LDB2: variants seen among roughly 807,000 people sequenced by gnomAD.
LDB2 encodes the protein LIM domain-binding protein 2.
LDB2 carries 12 observed loss-of-function variants against 44.3 expected under a neutral mutation model. The observed-to-expected ratio is 0.27, with a 90% CI of 0.17 to 0.44. The LOEUF is 0.44. Among genes scored for constraint, LDB2 ranks in the 20% least tolerant of loss-of-function variants. The probability of loss-of-function intolerance (pLI) is 1.00; values close to 1 mark genes in which losing one functional copy is unlikely to be tolerated. For synonymous variants in LDB2, 164 were observed against 174.8 expected, an observed-to-expected ratio of 0.94 and a Z score of 0.49; for missense variants, 344 against 473.5, an observed-to-expected ratio of 0.73 and a Z score of 2.54.
In LDB2 at chr4:16,747,526, A is replaced by C. The variant is rs572116695; in HGVS notation, c.235+11632T>G. On this transcript the variant is annotated intron_variant, in intron 2 of 7. Transcript: ENST00000304523. The stretch of plus-strand genomic sequence containing the variant: ...TATTATTAATTGTTTTAAAGCTTGA[A>C]AGTTGGACTTTCTAAATGCCTCAAG... 3.3e-5 allele frequency among the ~76,000 whole-genome samples: 5 copies of C among 152,324 alleles called. 1 individual carries two copies. The highest frequency in any genetic ancestry group is 1.2e-4 in the African/African-American group (5 of 41,570).
chr4:16,531,344 T>G lies in LDB2; in HGVS notation c.616-19240A>C, dbSNP rs570870004. Among the ~76,000 whole-genome samples, 7 of 152,344 alleles carry G rather than the reference T, an allele frequency of 4.6e-5. No homozygotes were observed. The South Asian group carries it at 1.4e-3, about 32-fold the overall frequency. On this transcript the variant is annotated intron_variant, in intron 5 of 7. Coordinates refer to ENST00000304523, the MANE Select transcript of LDB2 (RefSeq NM_001290.5). ...GTCACCCTTGCTCCCAGCAGTATCT[T>G]TCAGAAACAGGAAACAACAATTTCT...
At chr4:16,668,417 A>G (rs929057148) in intron 2 of LDB2, among the ~76,000 whole-genome samples, 7 of 152,118 alleles carry the variant, frequency 4.6e-5, no homozygotes, top group African/African-American at 1.7e-4. Context: ...GATAGCTCTC[A>G]GTCTCTTCAA....
chr4:16,563,432 T>A, intron 5 of LDB2, among the ~76,000 whole-genome samples: 1 of 47,236 alleles, frequency 2.1e-5, no homozygotes, highest in Non-Finnish European at 3.8e-5. Context: ...TCATCAGATT[T>A]TTTTTTTTTT....
At chr4:16,819,418 T>C (rs1781539485) in intron 1 of LDB2, among the ~76,000 whole-genome samples, 1 of 122,968 alleles carries the variant, frequency 8.1e-6, no homozygotes, top group African/African-American at 3.2e-5. Flanking sequence ...CAGATTTTGG[T>C]CAAAGAAGAA....
chr4:16,557,832 G>T (rs1318460412), intron 5 of LDB2, among the ~76,000 whole-genome samples: 1 of 152,186 alleles, frequency 6.6e-6, no homozygotes, highest in Non-Finnish European at 1.5e-5. Context: ...GGGGCAGACT[G>T]ACACCTCACA....
At chr4:16,545,350 CAT>C (rs1367898696) in intron 5 of LDB2, among the ~76,000 whole-genome samples, 2 of 152,098 alleles carry the variant, frequency 1.3e-5, no homozygotes, top group Non-Finnish European at 2.9e-5. Context: ...CATGCAAAGA[CAT>C]AGCAGATAAA....
chr4:16,855,227 A>T lies in LDB2; in HGVS notation c.132+43127T>A, dbSNP rs539476957. Among the ~76,000 whole-genome samples the T allele has an allele frequency of 7.9e-5, 12 of 152,276 alleles. No individual in the cohort carries two copies. The East Asian group carries it at 1.9e-3, about 24-fold the overall frequency. On this transcript the variant is annotated intron_variant, in intron 1 of 7. Transcript: ENST00000304523. ...CACTGCACTGAGAGTGCACAGCAATAGTGAGAAAAACTGGGGTTCCTTAGC... is the reference window on the plus strand; with the variant it reads ...CACTGCACTGAGAGTGCACAGCAATTGTGAGAAAAACTGGGGTTCCTTAGC...
chr4:16,821,669 G>A (rs931301486), intron 1 of LDB2, among the ~76,000 whole-genome samples: 3 of 141,240 alleles, frequency 2.1e-5, no homozygotes, highest in South Asian at 2.3e-4. Context: ...GATTACAGGC[G>A]TGAGCCACCG....
chr4:16,860,132 T>C (rs6835302), intron 1 of LDB2, among the ~76,000 whole-genome samples: 74,790 of 152,028 alleles, frequency 0.49, 19,011 homozygotes, highest in East Asian at 0.77. Context: ...ACTATGGATT[T>C]CTGCTGAGAC....
intron 2 of LDB2, among the ~76,000 whole-genome samples, chr4:16,648,815 A>G (rs1479334270): frequency 2.6e-5 from 4 of 152,144 alleles, no homozygotes; most frequent in Non-Finnish European, 5.9e-5. Flanking sequence ...CCATGGCTAG[A>G]GCAATTTCAT....
chr4:16,640,906 A>G (rs1734944418), intron 2 of LDB2, among the ~76,000 whole-genome samples: 1 of 152,218 alleles, frequency 6.6e-6, no homozygotes, highest in Admixed American at 6.5e-5. Context: ...TTCAAATTCA[A>G]CAATTTCAAG....
At chr4:16,823,148 C>G (rs889098535) in intron 1 of LDB2, among the ~76,000 whole-genome samples, 7 of 152,202 alleles carry the variant, frequency 4.6e-5, no homozygotes, top group African/African-American at 1.7e-4. Flanking sequence ...AGAATCACAT[C>G]AGTACTGTCA....
intron 2 of LDB2, among the ~76,000 whole-genome samples, chr4:16,724,447 G>A (rs1440447540): frequency 6.6e-6 from 1 of 151,664 alleles, no homozygotes; most frequent in Non-Finnish European, 1.5e-5. Flanking sequence ...CATGAATCCT[G>A]TCTCGTTCAC....
chr4:16,888,310 G>T (rs1463673732), intron 1 of LDB2, among the ~76,000 whole-genome samples: 1 of 152,180 alleles, frequency 6.6e-6, no homozygotes, highest in Non-Finnish European at 1.5e-5. Flanking sequence ...GTTCTTAAAT[G>T]GAGAAAACAC....
chr4:16,865,414 C>G (rs1468702761), intron 1 of LDB2, among the ~76,000 whole-genome samples: 1 of 152,138 alleles, frequency 6.6e-6, no homozygotes, highest in Non-Finnish European at 1.5e-5. Context: ...GGAACGTTCC[C>G]TGCGACCAGC....
chr4:16,723,544 T>A (rs1217019299), intron 2 of LDB2, among the ~76,000 whole-genome samples: 2 of 152,132 alleles, frequency 1.3e-5, no homozygotes, highest in Non-Finnish European at 2.9e-5. Context: ...ACATGAACAT[T>A]GGGGAATATA....
Position 16,821,746 on chromosome 4 carries a change from CAAAAA to C in LDB2, c.133-62491_133-62487del, listed in dbSNP as rs562184189. Among the ~76,000 whole-genome samples the C allele has an allele frequency of 5.8e-4, 36 of 61,752 alleles. 1 individual carries two copies. Among genetic ancestry groups the C allele is most frequent in the African/African-American group, 8.9e-4 (14 of 15,780 alleles). The allele number at this position is 61,752 out of a possible 152,430, so 40.5% of individuals were successfully genotyped here. On this transcript the variant is annotated intron_variant, in intron 1 of 7. Transcript: ENST00000304523. The stretch of plus-strand genomic sequence containing the variant: ...AATGGAAACCATTCCAACATTAAAG[CAAAAA>C]AAAAAAAAAAAAAAAAAAATCAGGA...
At chr4:16,866,256 C>T (rs980175085) in intron 1 of LDB2, among the ~76,000 whole-genome samples, 1 of 152,136 alleles carries the variant, frequency 6.6e-6, no homozygotes. Flanking sequence ...CAAAGTAGCA[C>T]ACCTCACTTA....
intron 5 of LDB2, among the ~76,000 whole-genome samples, chr4:16,535,560 G>C (rs1003882771): frequency 2.6e-5 from 4 of 152,324 alleles, no homozygotes; most frequent in African/African-American, 9.6e-5. Context: ...AACACGGGCT[G>C]CGGAATACAC....
Sources: gnomAD v4.1 joint callset for allele counts (sites outside exome capture counted in the v4.1 genomes callset) on GRCh38, gnomAD v4.1.1 for gene constraint, MANE v1.5 for transcripts, NCBI Gene and HGNC (gene_info 2026-07-23, HGNC 2026-07-21) for gene names.